Variants in IL1R1 observed in about 807,000 individuals in gnomAD.
IL1R1 encodes the protein interleukin 1 receptor type 1.
Under a neutral mutation model 50.2 loss-of-function variants are expected in IL1R1, and 22 were observed. The observed-to-expected ratio is 0.44, with a 90% CI of 0.31 to 0.63. IL1R1 has a LOEUF of 0.63. Ranked by LOEUF, IL1R1 falls within the 20% of genes least tolerant of loss-of-function variation. The probability of loss-of-function intolerance (pLI) is 0.07; values close to 1 mark genes in which losing one functional copy is unlikely to be tolerated. For synonymous variants in IL1R1, 251 were observed against 236.7 expected, an observed-to-expected ratio of 1.06 and a Z score of -0.55; for missense variants, 509 against 676.2, an observed-to-expected ratio of 0.75 and a Z score of 2.74.
intron 1 of IL1R1, among the ~76,000 whole-genome samples, chr2:102,110,032 A>G (rs937269617): frequency 6.6e-6 from 1 of 152,174 alleles, no homozygotes; most frequent in Non-Finnish European, 1.5e-5. Context: ...AGTGAATGAC[A>G]CATGGTTTAT....
At chr2:102,097,666 T>A (rs1297539583) in intron 1 of IL1R1, among the ~76,000 whole-genome samples, 1 of 151,970 alleles carries the variant, frequency 6.6e-6, no homozygotes, top group Non-Finnish European at 1.5e-5. Flanking sequence ...AAGAAAAACA[T>A]AATGTATCAA....
chr2:102,104,713 A>C (rs1465570315), exon 1 of IL1R1: 1 of 152,236 alleles, frequency 6.6e-6, no homozygotes, highest in Non-Finnish European at 1.5e-5. Context: ...TAACAACTCT[A>C]GCTAGGGCTG....
chr2:102,176,287 T>C, intron 11 of IL1R1, 66 bp from the exon 12 acceptor site: 2 of 1,437,340 alleles, frequency 1.4e-6, no homozygotes, highest in East Asian at 4.6e-5. Flanking sequence ...CTTGTGTGGC[T>C]TTGGTTCAGG....
At chr2:102,167,424 AT>A (rs1418767492) in intron 6 of IL1R1, among the ~76,000 whole-genome samples, 2 of 143,520 alleles carry the variant, frequency 1.4e-5, no homozygotes, top group African/African-American at 5.1e-5. Flanking sequence ...ACTGGGGACT[AT>A]TTAAGCTAGG....
chr2:102,101,477 C>T (rs1680138794), upstream of IL1R1, among the ~76,000 whole-genome samples: 2 of 152,318 alleles, frequency 1.3e-5, no homozygotes, highest in South Asian at 4.2e-4. Flanking sequence ...TAGGGTTGCA[C>T]ATACTTGCAC....
At chr2:102,164,235 A>C (rs1177362890) in intron 3 of IL1R1, among the ~76,000 whole-genome samples, 1 of 152,052 alleles carries the variant, frequency 6.6e-6, no homozygotes, top group Non-Finnish European at 1.5e-5. Flanking sequence ...TCTGCCCTGC[A>C]AACTTTTCTA....
chr2:102,149,707 T>TA (rs1683482853), intron 1 of IL1R1, among the ~76,000 whole-genome samples: 1 of 151,934 alleles, frequency 6.6e-6, no homozygotes, highest in Non-Finnish European at 1.5e-5. Flanking sequence ...GCCAGGGCTG[T>TA]ACAGAGGGGG....
At chr2:102,168,966 T>C (rs1044021509) in intron 7 of IL1R1, among the ~76,000 whole-genome samples, 4 of 152,022 alleles carry the variant, frequency 2.6e-5, no homozygotes, top group African/African-American at 9.6e-5. Context: ...TGGTACAGGA[T>C]TGGATTTCTT....
chr2:102,072,672 G>A (rs539834097), intron 1 of IL1R1, among the ~76,000 whole-genome samples: 1 of 152,032 alleles, frequency 6.6e-6, no homozygotes. Context: ...TTGGATTTGT[G>A]AGAATTGTTT....
intron 1 of IL1R1, among the ~76,000 whole-genome samples, chr2:102,149,977 G>A (rs1174372011): frequency 6.6e-6 from 1 of 152,188 alleles, no homozygotes; most frequent in Non-Finnish European, 1.5e-5. Context: ...GTCCCCAGAA[G>A]TGGACCTCCA....
chr2:102,115,238 T>C (rs976624756), intron 1 of IL1R1, among the ~76,000 whole-genome samples: 24 of 152,058 alleles, frequency 1.6e-4, no homozygotes, highest in Non-Finnish European at 2.6e-4. Context: ...AGTTGCCGAG[T>C]CAGTAAATTA....
intron 6 of IL1R1, among the ~76,000 whole-genome samples, chr2:102,167,181 A>C (rs764666998): frequency 6.6e-5 from 10 of 152,178 alleles, no homozygotes; most frequent in Non-Finnish European, 1.3e-4. Context: ...CACCCTATAA[A>C]TAGCTTCACT....
intron 1 of IL1R1, among the ~76,000 whole-genome samples, chr2:102,149,647 A>G (rs1683477100): frequency 6.6e-6 from 1 of 152,122 alleles, no homozygotes; most frequent in Admixed American, 6.5e-5. Context: ...CCCTAATTCC[A>G]GGGCCTGTGT....
chr2:102,166,311 T>G (rs1371287959), intron 6 of IL1R1, 30 bp downstream of exon 6: 2 of 1,564,246 alleles, frequency 1.3e-6, no homozygotes, highest in Non-Finnish European at 1.7e-6. Context: ...CTAAAAGGTT[T>G]AGATCTGGGA....
chr2:102,132,946 G>C (rs1348622124), intron 1 of IL1R1, among the ~76,000 whole-genome samples: 1 of 152,050 alleles, frequency 6.6e-6, no homozygotes. Context: ...AATTGAATTT[G>C]TAGTTAAAAA....
chr2:102,121,062 C>A (rs1681378810), intron 1 of IL1R1, among the ~76,000 whole-genome samples: 1 of 152,172 alleles, frequency 6.6e-6, no homozygotes, highest in African/African-American at 2.4e-5. Context: ...CAGGGTTTCC[C>A]TCTTAGGCTG....
chr2:102,139,034 C>G (rs767368767), upstream of IL1R1, among the ~76,000 whole-genome samples: 3 of 152,058 alleles, frequency 2.0e-5, no homozygotes, highest in Non-Finnish European at 2.9e-5. Context: ...TTCTTTCCTT[C>G]CAAACCCTGC....
chr2:102,161,332 T>A (rs1429261979), intron 3 of IL1R1, among the ~76,000 whole-genome samples: 4 of 152,138 alleles, frequency 2.6e-5, no homozygotes, highest in African/African-American at 7.2e-5. Context: ...ATTTACTGAG[T>A]CTTGGGTTAT....
chr2:102,149,422 G>C (rs887260324), intron 1 of IL1R1, among the ~76,000 whole-genome samples: 1 of 152,216 alleles, frequency 6.6e-6, no homozygotes, highest in Non-Finnish European at 1.5e-5. Context: ...ACTGCCGTCT[G>C]TTCTCTCCTC....
Sources: allele counts gnomAD v4.1 joint callset (sites outside exome capture counted in the v4.1 genomes callset), GRCh38; gene constraint gnomAD v4.1.1; transcripts MANE v1.5; gene names NCBI Gene and HGNC (gene_info 2026-07-23, HGNC 2026-07-21).